TRIQK: variants seen among roughly 807,000 people sequenced by gnomAD.
TRIQK encodes triple QxxK/R motif-containing protein.
Under a neutral mutation model 10.8 loss-of-function variants are expected in TRIQK, and 10 were observed. The ratio of observed to expected loss-of-function variants is 0.92; its 90% CI spans 0.57 to 1.57. The LOEUF (loss-of-function observed/expected upper bound fraction) is 1.57, where lower values mean the gene tolerates loss of function less well. Among genes scored for constraint, TRIQK ranks in the 40% most tolerant of loss-of-function variants. The pLI is 0.00. For missense variants in TRIQK, 107 were observed against 97.7 expected, an observed-to-expected ratio of 1.09 and a Z score of -0.40; for synonymous variants, 33 against 33.7, an observed-to-expected ratio of 0.98 and a Z score of 0.07.
intron 1 of TRIQK, among the ~76,000 whole-genome samples, chr8:92,994,004 A>G (rs1813124370): frequency 6.6e-6 from 1 of 152,128 alleles, no homozygotes; most frequent in South Asian, 2.1e-4. Flanking sequence ...GGCAGAAAGA[A>G]CCAGAAAGGA....
chr8:92,944,095 C>T (rs758747265), intron 2 of TRIQK, among the ~76,000 whole-genome samples: 2 of 151,796 alleles, frequency 1.3e-5, no homozygotes, highest in Non-Finnish European at 2.9e-5. Flanking sequence ...ATACAAATGG[C>T]CAACAGTTAT....
At chr8:92,948,670 G>A (rs1470639439) in intron 2 of TRIQK, among the ~76,000 whole-genome samples, 1 of 152,106 alleles carries the variant, frequency 6.6e-6, no homozygotes, top group East Asian at 1.9e-4. Context: ...TTTGTACACT[G>A]AAGAATCTCA....
intron 1 of TRIQK, among the ~76,000 whole-genome samples, chr8:92,997,357 A>C (rs1813162612): frequency 6.6e-6 from 1 of 152,106 alleles, no homozygotes. Context: ...TTATTTGCAT[A>C]TTAAAAGAAA....
intron 2 of TRIQK, among the ~76,000 whole-genome samples, chr8:92,927,456 TAA>T (rs1810501630): frequency 6.6e-6 from 1 of 151,606 alleles, no homozygotes; most frequent in African/African-American, 2.4e-5. Context: ...AATTTGGGAG[TAA>T]AAAAATAACC....
chr8:92,934,861 T>A (rs1349679117), intron 2 of TRIQK, among the ~76,000 whole-genome samples: 1 of 151,756 alleles, frequency 6.6e-6, no homozygotes. Context: ...TGGAAAAAGG[T>A]TAATGGAAAT....
intron 4 of TRIQK, among the ~76,000 whole-genome samples, chr8:92,887,512 CTG>C (rs1303523529): frequency 2.6e-5 from 4 of 151,234 alleles, no homozygotes; most frequent in Non-Finnish European, 4.4e-5. Context: ...GTATATATCT[CTG>C]TGTGTATACC....
intron 1 of TRIQK, among the ~76,000 whole-genome samples, chr8:92,998,135 C>T (rs1813172650): frequency 6.6e-6 from 1 of 151,830 alleles, no homozygotes; most frequent in African/African-American, 2.4e-5. Flanking sequence ...TCTGCTAAGA[C>T]TTTAAAGACC....
At chr8:92,943,090 G>A (rs750688999) in intron 2 of TRIQK, among the ~76,000 whole-genome samples, 6 of 150,556 alleles carry the variant, frequency 4.0e-5, no homozygotes, top group Non-Finnish European at 5.9e-5. Context: ...AAAAAAAAAT[G>A]GGACACTTAG....
intron 1 of TRIQK, among the ~76,000 whole-genome samples, chr8:92,992,756 G>C: frequency 6.6e-6 from 1 of 152,156 alleles, no homozygotes; most frequent in East Asian, 1.9e-4. Flanking sequence ...GGGGTCTGCT[G>C]AAAGCTGAGA....
At chr8:93,001,415 T>A (rs1366683985) in intron 1 of TRIQK, among the ~76,000 whole-genome samples, 5 of 146,820 alleles carry the variant, frequency 3.4e-5, no homozygotes. Flanking sequence ...AGGACACACA[T>A]AGACTGAAAA....
intron 2 of TRIQK, among the ~76,000 whole-genome samples, chr8:92,951,769 T>C (rs1811920968): frequency 6.6e-6 from 1 of 152,100 alleles, no homozygotes; most frequent in South Asian, 2.1e-4. Context: ...TGCTGGGTAC[T>C]GTCAGAGCCT....
At chr8:92,898,930 G>C (rs1808772987) in intron 3 of TRIQK, among the ~76,000 whole-genome samples, 2 of 144,350 alleles carry the variant, frequency 1.4e-5, no homozygotes, top group Admixed American at 7.0e-5. Context: ...AATCACATCA[G>C]GGTAAATGCG....
chr8:92,894,814 T>A (rs368486480), intron 3 of TRIQK, among the ~76,000 whole-genome samples: 34 of 152,262 alleles, frequency 2.2e-4, no homozygotes, highest in African/African-American at 8.2e-4. Flanking sequence ...GTTACTGTTA[T>A]TTGCTCTTTG....
At chr8:92,983,541 T>TA (rs1813005507) in intron 1 of TRIQK, among the ~76,000 whole-genome samples, 1 of 152,006 alleles carries the variant, frequency 6.6e-6, no homozygotes, top group Admixed American at 6.6e-5. Context: ...AAGCAAGAAG[T>TA]AAAAGAAAGT....
chr8:93,002,371 C>T (rs2130757642), intron 1 of TRIQK, among the ~76,000 whole-genome samples: 1 of 152,000 alleles, frequency 6.6e-6, no homozygotes, highest in African/African-American at 2.4e-5. Flanking sequence ...TTTAGCTAGA[C>T]TATCAAAAAA....
chr8:92,899,438 C>T (rs1808801687), intron 3 of TRIQK, among the ~76,000 whole-genome samples: 1 of 152,048 alleles, frequency 6.6e-6, no homozygotes, highest in Non-Finnish European at 1.5e-5. Flanking sequence ...CTTTTATTCT[C>T]TATTTCCATG....
chr8:92,998,656 ATC>A (rs1298358351), intron 1 of TRIQK, among the ~76,000 whole-genome samples: 1 of 152,084 alleles, frequency 6.6e-6, no homozygotes, highest in Non-Finnish European at 1.5e-5. Context: ...TTTTATTAAT[ATC>A]TCAAATAAAA....
At chr8:92,998,086 C>T (rs1240193243) in intron 1 of TRIQK, among the ~76,000 whole-genome samples, 6 of 151,710 alleles carry the variant, frequency 4.0e-5, no homozygotes, top group East Asian at 3.9e-4. Context: ...CAAATGAAAA[C>T]AGTATAAATG....
rs1449430700 is a variant in TRIQK, at chr8:92,990,974, A to G, written c.-181+26635T>C. ...GTCTAGCTCAGCAGATCCCACCCTC[A>G]TGGAGCCCAGCAAGCTAAAATCCAC... On this transcript the variant is annotated intron_variant, in intron 1 of 4. Coordinates refer to the TRIQK transcript ENST00000520686. Among the ~76,000 whole-genome samples the G allele has an allele frequency of 2.0e-5, 3 of 152,318 alleles. No homozygotes were observed. In the East Asian group the frequency reaches 5.8e-4, roughly 29 times the overall value.
Sources: gnomAD v4.1 joint callset for allele counts (sites outside exome capture counted in the v4.1 genomes callset) on GRCh38, gnomAD v4.1.1 for gene constraint, MANE v1.5 for transcripts, NCBI Gene and HGNC (gene_info 2026-07-23, HGNC 2026-07-21) for gene names.